ARHGAP9: variants seen among roughly 807,000 people sequenced by gnomAD.
The protein encoded by ARHGAP9 is Rho GTPase activating protein 9.
In ARHGAP9, 76 loss-of-function variants were observed where a neutral mutation model predicts 87.3. The observed-to-expected ratio is 0.87, with a 90% CI of 0.72 to 1.05. The LOEUF (loss-of-function observed/expected upper bound fraction) is 1.05, where lower values mean the gene tolerates loss of function less well. Ranked by LOEUF, ARHGAP9 falls within the 50% of genes least tolerant of loss-of-function variation. The probability of loss-of-function intolerance (pLI) is 0.00; values close to 1 mark genes in which losing one functional copy is unlikely to be tolerated. For synonymous variants in ARHGAP9, 382 were observed against 394.9 expected (o/e 0.97, Z 0.39); for missense variants, 941 against 960.5 (o/e 0.98, Z 0.27).
At chr12:57,488,583 A>AAC (rs759654369) in intron 1 of ARHGAP9, 12 of 1,549,524 alleles carry the variant, frequency 7.7e-6, no homozygotes, top group Admixed American at 2.0e-5. Flanking sequence ...CTCCCCTCCT[A>AAC]ACACACACAC....
intron 3 of ARHGAP9, 36 bp from the exon 4 acceptor site, chr12:57,477,716 T>G: frequency 5.0e-6 from 8 of 1,606,158 alleles, no homozygotes; most frequent in Non-Finnish European, 3.4e-6. Context: ...GTGGTCATTC[T>G]GCCTGTTGCC....
intron 15 of ARHGAP9, 111 bp downstream of exon 15, chr12:57,474,312 T>G (rs1872809124): frequency 3.8e-6 from 6 of 1,574,580 alleles, no homozygotes; most frequent in Non-Finnish European, 5.2e-6. Context: ...GCAAGGTAGC[T>G]AAGGTGGGGA....
At position 57,479,813 on chromosome 12, in the gene ARHGAP9, T is replaced by C. The variant is rs1281351315; in HGVS notation, c.-102A>G. 1.3e-6 allele frequency: 2 copies of C among 1,529,820 alleles called. No individual in the cohort carries two copies. The highest frequency in any genetic ancestry group is 1.4e-5 in the African/African-American group (1 of 72,142). 94.8% of individuals were successfully genotyped at this position (1,529,820 alleles called of 1,614,324 possible). On this transcript the variant is annotated 5_prime_UTR_variant, in exon 1 of 18. Coordinates refer to ENST00000393791, the MANE Select transcript of ARHGAP9 (RefSeq NM_032496.4). ...TCTTGAGGTGGACACAGGAAGGAGA[T>C]AAGAAGAAAGAATCAGGTTCAAGAC...
intron 1 of ARHGAP9, among the ~76,000 whole-genome samples, chr12:57,485,337 C>T (rs1875316445): frequency 6.6e-6 from 1 of 151,826 alleles, no homozygotes; most frequent in Non-Finnish European, 1.5e-5. Flanking sequence ...AGGTGTATCA[C>T]CTGAGTTCAG....
intron 4 of ARHGAP9, 40 bp downstream of exon 4, chr12:57,477,419 G>T: frequency 6.2e-7 from 1 of 1,602,772 alleles, no homozygotes; most frequent in Non-Finnish European, 8.5e-7. Flanking sequence ...GGAAGGAAGA[G>T]CTTGAGGGGA....
At chr12:57,487,850 CAAAAAAAAAA>C in intron 1 of ARHGAP9, 5 of 175,956 alleles carry the variant, frequency 2.8e-5, no homozygotes, top group Non-Finnish European at 3.0e-5. Flanking sequence ...CGCCCTCTCA[CAAAAAAAAAA>C]AAAAAAAAAA....
upstream of ARHGAP9, among the ~76,000 whole-genome samples, chr12:57,483,538 C>T (rs1426842879): frequency 6.6e-6 from 1 of 152,112 alleles, no homozygotes; most frequent in Non-Finnish European, 1.5e-5. Context: ...TTACAGATTC[C>T]CTCTCTACAC....
At chr12:57,475,988 A>G in intron 9 of ARHGAP9, 57 bp from the exon 10 acceptor site, 1 of 1,548,774 alleles carries the variant, frequency 6.5e-7, no homozygotes. Flanking sequence ...ATAAGCAGGG[A>G]GACCTAGCGG....
rs368092491 is a variant in ARHGAP9 at position 57,474,170 on chromosome 12, C to T, written c.1790G>A (p.Arg597Gln). The T allele has an allele frequency of 1.2e-4, 191 of 1,611,906 alleles. 1 individual carries two copies. In the East Asian group the frequency reaches 2.6e-3, roughly 22 times the overall value. ...CCACTCAGTACTGTCCAAATCTAACCGACCTTCTGGAGGGAGAAGGAGGTA... is the reference window on the plus strand; with the variant it reads ...CCACTCAGTACTGTCCAAATCTAACTGACCTTCTGGAGGGAGAAGGAGGTA... ...VFPEQPGQEG[R>Q]LDLDSTEWDD... is the part of the protein sequence containing the mutation. The change falls in exon 16 of 18, where the codon CGG becomes CAG. Residue 597 changes from arginine to glutamine, a missense_variant. By Grantham distance (43) the Arg-to-Gln change is conservative (BLOSUM62 1). Coordinates refer to ENST00000393791, the MANE Select transcript of ARHGAP9 (RefSeq NM_032496.4).
intron 1 of ARHGAP9, chr12:57,488,513 T>A: frequency 6.7e-7 from 1 of 1,481,894 alleles, no homozygotes; most frequent in South Asian, 1.2e-5. Flanking sequence ...CCCCCTCTGC[T>A]CTTTAGTTAC....
At position 57,479,178 on chromosome 12, in the gene ARHGAP9, A is replaced by G; in HGVS notation, c.229T>C (p.Phe77Leu). Residue 77 changes from phenylalanine (F) to leucine (L), a missense_variant, in exon 2 of 18, where the codon TTC becomes CTC. By Grantham distance (22) the Phe-to-Leu change is conservative. Transcript: ENST00000393791. ...LEAPSTSRPI[F>L]VPAAYMIEES... ...TCTATCATATAGGCTGCTGGGACGA[A>G]GATGGGTCGAGAGGTGGAGGGAGCT... 6.2e-7 allele frequency: 1 copy of G among 1,614,210 alleles called. No individual in the cohort carries two copies. The highest frequency in any genetic ancestry group is 8.5e-7 in the Non-Finnish European group (1 of 1,180,028).
upstream of ARHGAP9, among the ~76,000 whole-genome samples, chr12:57,482,653 C>T (rs146455980): frequency 2.9e-3 from 448 of 152,080 alleles, 4 homozygotes; most frequent in African/African-American, 0.01. Flanking sequence ...TGCAGTGATG[C>T]GTGATAGTGC....
chr12:57,475,260 C>G (rs1873142847), intron 12 of ARHGAP9, 31 bp downstream of exon 12: 3 of 1,551,432 alleles, frequency 1.9e-6, no homozygotes, highest in Non-Finnish European at 2.6e-6. Context: ...CTGGAGTTTT[C>G]TTATCCATGA....
intron 9 of ARHGAP9, 21 bp downstream of exon 9, chr12:57,476,050 G>A (rs1719749438): frequency 9.2e-6 from 14 of 1,516,006 alleles, no homozygotes; most frequent in Non-Finnish European, 1.2e-5. Context: ...GGGCCTTGGG[G>A]ACGCGCGGGA....
chr12:57,472,792 G>A, intron 17 of ARHGAP9, 104 bp from the exon 18 acceptor site: 13 of 1,253,666 alleles, frequency 1.0e-5, no homozygotes, highest in South Asian at 1.4e-5. Context: ...TTCACTCTGG[G>A]ATTCCTCCAC....
chr12:57,475,692 C>T (rs1430956529), intron 10 of ARHGAP9, 77 bp from the exon 11 acceptor site: 8 of 1,566,188 alleles, frequency 5.1e-6, no homozygotes, highest in Non-Finnish European at 6.9e-6. Flanking sequence ...GACCCACTGC[C>T]GGGGTCCCAC....
rs1334652791 is a variant in ARHGAP9 at position 57,476,801 on chromosome 12, T to C, written c.963+70A>G. 8.8e-6 allele frequency: 11 copies of C among 1,250,632 alleles called. No individual in the cohort carries two copies. The East Asian group carries it at 2.9e-4, about 33-fold the overall frequency. The allele number at this position is 1,250,632 out of a possible 1,614,324, so 77.5% of individuals were successfully genotyped here. On this transcript the variant is annotated intron_variant, in intron 6 of 17. Transcript: ENST00000393791. ...ATATTCAGAAAGAGGAAGATGTTTATGTGGAGCAGGAAAAGGGGGGAGGGG... is the reference window on the plus strand; with the variant it reads ...ATATTCAGAAAGAGGAAGATGTTTACGTGGAGCAGGAAAAGGGGGGAGGGG...
rs979004691 is a variant in ARHGAP9 at position 57,473,510 on chromosome 12, C to A, written c.2024+93G>T. The A allele has an allele frequency of 2.5e-6, 3 of 1,180,764 alleles. No homozygotes were observed. In the East Asian group the frequency reaches 7.1e-5, roughly 28 times the overall value. The allele number at this position is 1,180,764 out of a possible 1,614,324, so 73.1% of individuals were successfully genotyped here. A position where few individuals can be genotyped will look rare whatever the true frequency, so the allele number is the denominator to read the frequency against. ...CTCACCTGCCCATTAAACTTAGGTGCTTCCCTACCTTCACTCCACCTGCAC... is the reference window on the plus strand; with the variant it reads ...CTCACCTGCCCATTAAACTTAGGTGATTCCCTACCTTCACTCCACCTGCAC... On this transcript the variant is annotated intron_variant, in intron 17 of 17. Coordinates refer to ENST00000393791, the MANE Select transcript of ARHGAP9 (RefSeq NM_032496.4).
upstream of ARHGAP9, among the ~76,000 whole-genome samples, chr12:57,484,585 G>T (rs1044152347): frequency 1.3e-5 from 2 of 152,114 alleles, no homozygotes; most frequent in Non-Finnish European, 2.9e-5. Flanking sequence ...CTGGCATAAA[G>T]TCATAACTTT....
Sources: allele counts gnomAD v4.1 joint callset (sites outside exome capture counted in the v4.1 genomes callset), GRCh38; gene constraint gnomAD v4.1.1; transcripts MANE v1.5; gene names NCBI Gene and HGNC (gene_info 2026-07-23, HGNC 2026-07-21).